Variants in CPB2 observed in about 807,000 individuals in gnomAD.
CPB2 encodes the protein carboxypeptidase B2, also known as carboxypeptidase B-like protein.
A neutral mutation model predicts 57.0 loss-of-function variants in CPB2; 54 were observed. The ratio of observed to expected loss-of-function variants is 0.95; its 90% CI spans 0.76 to 1.19. The LOEUF (loss-of-function observed/expected upper bound fraction) is 1.19, where lower values mean the gene tolerates loss of function less well. CPB2 is among the 50% of genes most tolerant of loss of function. CPB2 has a pLI of 0.00. For missense variants in CPB2, 426 were observed against 512.0 expected, an observed-to-expected ratio of 0.83 and a Z score of 1.62; for synonymous variants, 189 against 178.1, an observed-to-expected ratio of 1.06 and a Z score of -0.49.
chr13:46,063,600 T>C (rs994562624), intron 8 of CPB2, among the ~76,000 whole-genome samples: 2 of 152,208 alleles, frequency 1.3e-5, no homozygotes, highest in Non-Finnish European at 2.9e-5. Flanking sequence ...TTCCATGTCT[T>C]TGCTCTTGTG....
intron 1 of CPB2, among the ~76,000 whole-genome samples, chr13:46,089,291 C>G (rs1404247804): frequency 6.6e-6 from 1 of 152,124 alleles, no homozygotes; most frequent in Non-Finnish European, 1.5e-5. Flanking sequence ...ATCAACACCA[C>G]TGCCTCTTCC....
intron 5 of CPB2, among the ~76,000 whole-genome samples, chr13:46,075,662 T>C (rs1317496805): frequency 6.6e-6 from 1 of 152,184 alleles, no homozygotes; most frequent in African/African-American, 2.4e-5. Flanking sequence ...CAGATTAAAA[T>C]TGAGAAGTCC....
chr13:46,084,553 A>G (rs2045170506), intron 2 of CPB2, among the ~76,000 whole-genome samples: 1 of 152,168 alleles, frequency 6.6e-6, no homozygotes, highest in Non-Finnish European at 1.5e-5. Context: ...TGCTAAAAAA[A>G]AATAAAATAA....
At chr13:46,095,360 T>C (rs149444487) in intron 1 of CPB2, among the ~76,000 whole-genome samples, 3 of 151,482 alleles carry the variant, frequency 2.0e-5, no homozygotes, top group Non-Finnish European at 4.4e-5. Context: ...AAATGACAAA[T>C]ATCAGTACCA....
chr13:46,094,532 A>T (rs889002050), intron 1 of CPB2, among the ~76,000 whole-genome samples: 2 of 152,318 alleles, frequency 1.3e-5, no homozygotes, highest in South Asian at 2.1e-4. Context: ...ACATGCCATT[A>T]CAGAACTGAG....
At chr13:46,070,404 AGAG>A (rs1185398215) in intron 6 of CPB2, among the ~76,000 whole-genome samples, 3 of 152,210 alleles carry the variant, frequency 2.0e-5, no homozygotes, top group Non-Finnish European at 4.4e-5. Flanking sequence ...AGATGAGAAT[AGAG>A]GAGAATGGAG....
intron 5 of CPB2, among the ~76,000 whole-genome samples, chr13:46,074,269 G>C (rs907212513): frequency 8.5e-5 from 13 of 152,146 alleles, no homozygotes; most frequent in African/African-American, 3.1e-4. Flanking sequence ...GCTGCATGTG[G>C]AAGTTTCAAA....
chr13:46,065,881 C>A (rs1206616399), intron 7 of CPB2, among the ~76,000 whole-genome samples: 1 of 152,098 alleles, frequency 6.6e-6, no homozygotes, highest in African/African-American at 2.4e-5. Context: ...TGACTGAATT[C>A]CACTGTGATT....
rs564708430 is a variant in CPB2, at chr13:46,061,281, A to G, written c.797-2900T>C. Among the ~76,000 whole-genome samples, 7 of 152,350 alleles carry G rather than the reference A, an allele frequency of 4.6e-5. 1 individual carries two copies. Among genetic ancestry groups the G allele is most frequent in the Middle Eastern group, 6.8e-3 (2 of 294 alleles). On this transcript the variant is annotated intron_variant, in intron 8 of 10. Transcript: ENST00000181383. ...AGAATTTTCCATTCAAGCCAGTTGC[A>G]AAAACTTTGTAGTTGAACTCAGTGT...
Position 46,084,280 on chromosome 13 carries a change from CA to C in CPB2, c.213del (p.Phe71LeufsTer2). On this transcript the variant is annotated frameshift_variant, in exon 3 of 11. Transcript: ENST00000181383. LOFTEE classifies it high-confidence loss of function. ...ACATTGTCGACATCAGATGCATTTA[CA>C]AAAAAATGGACTTGTTTTTTCTTCA... is the stretch of plus-strand genomic sequence containing the variant. ...LIVKKKQVHF[F>X]VNASDVDNVK... 6.2e-7 allele frequency: 1 copy of C among 1,613,966 alleles called. No individual in the cohort carries two copies. The highest frequency in any genetic ancestry group is 1.1e-5 in the South Asian group (1 of 91,066).
Position 46,089,150 on chromosome 13 carries a change from CT to C in CPB2, c.75-1331del, listed in dbSNP as rs5803328. Among the ~76,000 whole-genome samples the C allele has an allele frequency of 3.2e-4, 49 of 150,908 alleles. 1 individual carries two copies. The highest frequency in any genetic ancestry group is 1.0e-3 in the African/African-American group (43 of 41,168). On this transcript the variant is annotated intron_variant, in intron 1 of 10. Coordinates refer to ENST00000181383, the MANE Select transcript of CPB2 (RefSeq NM_001872.5). Reference sequence around the variant, plus strand: ...TGCAGTGTAAAGAAGAAATAGACTTCTTTTTTTTTCTTCTTAGCATCGTTTA... The same window carrying C: ...TGCAGTGTAAAGAAGAAATAGACTTCTTTTTTTTCTTCTTAGCATCGTTTA...
intron 6 of CPB2, among the ~76,000 whole-genome samples, chr13:46,071,730 C>T (rs2044945942): frequency 6.6e-6 from 1 of 152,092 alleles, no homozygotes. Context: ...CTGATCTACT[C>T]CACCAGGCCT....
At chr13:46,086,372 A>G (rs2045204792) in intron 2 of CPB2, among the ~76,000 whole-genome samples, 1 of 152,130 alleles carries the variant, frequency 6.6e-6, no homozygotes, top group Non-Finnish European at 1.5e-5. Flanking sequence ...TTACTGAGTA[A>G]TAGAACAGCT....
chr13:46,064,860 T>C (rs1381256920), intron 7 of CPB2, 119 bp from the exon 8 acceptor site: 8 of 715,266 alleles, frequency 1.1e-5, no homozygotes, highest in Non-Finnish European at 2.0e-5. Context: ...TCCCATACCT[T>C]GCATGGCTTC....
At chr13:46,057,762 T>A (rs1460743650) in intron 9 of CPB2, among the ~76,000 whole-genome samples, 1 of 152,216 alleles carries the variant, frequency 6.6e-6, no homozygotes, top group African/African-American at 2.4e-5. Flanking sequence ...CAATTCCTGC[T>A]GCTAATACCA....
intron 4 of CPB2, among the ~76,000 whole-genome samples, chr13:46,080,610 G>A (rs1359255456): frequency 6.6e-6 from 1 of 152,104 alleles, no homozygotes; most frequent in Admixed American, 6.5e-5. Context: ...CAATCTGACT[G>A]GTGTCCTTAT....
intron 1 of CPB2, among the ~76,000 whole-genome samples, chr13:46,092,943 C>T (rs561304978): frequency 2.6e-5 from 4 of 152,236 alleles, no homozygotes; most frequent in South Asian, 2.1e-4. Context: ...GATGGAGTCT[C>T]GCTCTGTCAC....
chr13:46,104,094 C>T (rs1025261505), intron 1 of CPB2, among the ~76,000 whole-genome samples: 22 of 152,180 alleles, frequency 1.4e-4, no homozygotes, highest in Admixed American at 1.2e-3. Flanking sequence ...TATTTATGAC[C>T]GTGAACATTT....
intron 1 of CPB2, among the ~76,000 whole-genome samples, chr13:46,097,954 A>C (rs2045388553): frequency 1.3e-5 from 2 of 152,202 alleles, no homozygotes; most frequent in South Asian, 4.1e-4. Context: ...CAGTTTCCTC[A>C]TGCTGATTGA....
Sources: allele counts gnomAD v4.1 joint callset (sites outside exome capture counted in the v4.1 genomes callset), GRCh38; gene constraint gnomAD v4.1.1; transcripts MANE v1.5; gene names NCBI Gene and HGNC (gene_info 2026-07-23, HGNC 2026-07-21).